Variants in PEF1 observed in about 807,000 individuals in gnomAD.
The protein encoded by PEF1 is peflin.
In PEF1, 17 loss-of-function variants were observed where a neutral mutation model predicts 32.0. That is an observed-to-expected ratio of 0.53 (90% confidence interval 0.36 to 0.80). The LOEUF is 0.80. PEF1 is among the 30% of genes least tolerant of loss of function. The probability of loss-of-function intolerance (pLI) is 0.00; values close to 1 mark genes in which losing one functional copy is unlikely to be tolerated. For missense variants in PEF1, 362 were observed against 369.1 expected, an observed-to-expected ratio of 0.98 and a Z score of 0.16; for synonymous variants, 130 against 139.8, an observed-to-expected ratio of 0.93 and a Z score of 0.50.
At chr1:31,642,773 T>C (rs1195870550) in intron 1 of PEF1, among the ~76,000 whole-genome samples, 1 of 152,246 alleles carries the variant, frequency 6.6e-6, no homozygotes, top group African/African-American at 2.4e-5. Context: ...GACACTGGCA[T>C]GTACTAGGCA....
chr1:31,632,253 T>G lies in PEF1; in HGVS notation c.625+242A>C, dbSNP rs1640125652. On this transcript the variant is annotated intron_variant, in intron 4 of 4. Transcript: ENST00000373703. ...AAGGCTCCCTGTGGCTGGGGCCGTCTCACCCAGCACTCCAGGGTCCAGCCC... is the reference window on the plus strand; with the variant it reads ...AAGGCTCCCTGTGGCTGGGGCCGTCGCACCCAGCACTCCAGGGTCCAGCCC... 10 of 691,228 alleles carry G rather than the reference T, an allele frequency of 1.4e-5. No homozygotes were observed. In the South Asian group the frequency reaches 1.6e-4, roughly 11 times the overall value. 42.8% of individuals were successfully genotyped at this position (691,228 alleles called of 1,614,324 possible). A position where few individuals can be genotyped will look rare whatever the true frequency, so the allele number is the denominator to read the frequency against.
intron 1 of PEF1, among the ~76,000 whole-genome samples, chr1:31,639,501 G>T (rs1308528228): frequency 6.6e-6 from 1 of 152,222 alleles, no homozygotes; most frequent in African/African-American, 2.4e-5. Context: ...GAGTTTTGTT[G>T]GGGCTTTATG....
chr1:31,642,691 G>T (rs1283396491), intron 1 of PEF1, among the ~76,000 whole-genome samples: 3 of 152,130 alleles, frequency 2.0e-5, no homozygotes, highest in African/African-American at 7.2e-5. Context: ...CTCCTTTTCA[G>T]TATTTCACTC....
intron 1 of PEF1, 90 bp downstream of exon 1, chr1:31,644,751 G>A: frequency 1.9e-6 from 3 of 1,604,770 alleles, no homozygotes; most frequent in Non-Finnish European, 2.6e-6. Context: ...TGGGAAGGGC[G>A]CGGAGAAAGC....
At chr1:31,641,014 GA>G (rs1166828105) in intron 1 of PEF1, among the ~76,000 whole-genome samples, 2 of 152,182 alleles carry the variant, frequency 1.3e-5, no homozygotes, top group African/African-American at 4.8e-5. Flanking sequence ...AGAGCCACTT[GA>G]AATAGGAGAG....
At chr1:31,634,955 A>T (rs1235868417) in intron 2 of PEF1, 2 of 611,146 alleles carry the variant, frequency 3.3e-6, no homozygotes, top group Non-Finnish European at 6.1e-6. Context: ...TGAATGAAAA[A>T]GACACAGGGA....
Position 31,632,580 on chromosome 1 carries a change from C to T in PEF1, c.540G>A (p.Trp180Ter), listed in dbSNP as rs2148616907. The T allele has an allele frequency of 1.2e-6, 2 of 1,614,188 alleles. No individual in the cohort carries two copies. Among genetic ancestry groups the T allele is most frequent in the Non-Finnish European group, 1.7e-6 (2 of 1,180,032 alleles). The change falls in exon 4 of 5, where the codon TGG (tryptophan) becomes TGA (stop). Residue 180 changes from tryptophan (W) to a stop codon, truncating the protein, a stop_gained. Transcript: ENST00000373703. LOFTEE classifies it high-confidence loss of function. ...GGTTCTTCCACTGCTGGATGAATTT[C>T]CACAGGGCTGAGAAGCCGTAGACAT... ...RIDVYGFSAL[W>*]KFIQQWKNLF...
At position 31,630,508 on chromosome 1, in the gene PEF1, T is replaced by C. The variant is rs1640064469; in HGVS notation, c.*105A>G. On this transcript the variant is annotated 3_prime_UTR_variant, in exon 5 of 5. Coordinates refer to ENST00000373703, the MANE Select transcript of PEF1 (RefSeq NM_012392.4). The stretch of plus-strand genomic sequence containing the variant: ...CAGTGTTGCATCAAGCAAGGGAGAA[T>C]GTTCTTCTAGAGGGACAGGAAAAGA... 13 of 1,144,276 alleles carry C rather than the reference T, an allele frequency of 1.1e-5. No homozygotes were observed. Among genetic ancestry groups the C allele is most frequent in the Middle Eastern group, 2.8e-4 (1 of 3,572 alleles). The allele number at this position is 1,144,276 out of a possible 1,614,324, so 70.9% of individuals were successfully genotyped here. A position where few individuals can be genotyped will look rare whatever the true frequency, so the allele number is the denominator to read the frequency against.
At chr1:31,644,630 G>T (rs915286828) in intron 1 of PEF1, 4 of 1,444,550 alleles carry the variant, frequency 2.8e-6, no homozygotes, top group African/African-American at 1.4e-5. Flanking sequence ...ACGTCAAGGG[G>T]GCGCGACACG....
At chr1:31,643,279 T>C (rs1211561199) in intron 1 of PEF1, among the ~76,000 whole-genome samples, 3 of 152,238 alleles carry the variant, frequency 2.0e-5, no homozygotes, top group Admixed American at 2.0e-4. Flanking sequence ...CATTAGCAAA[T>C]TAAGGATTCT....
chr1:31,632,379 T>C, intron 4 of PEF1, 116 bp downstream of exon 4: 1 of 1,535,914 alleles, frequency 6.5e-7, no homozygotes, highest in Non-Finnish European at 9.0e-7. Context: ...GAGAACAGCA[T>C]TTTGTAGTGC....
Position 31,632,524 on chromosome 1 carries a change from C to A in PEF1, c.596G>T (p.Gly199Val). The change falls in exon 4 of 5, where the codon GGC becomes GTC. Residue 199 changes from glycine to valine, a missense_variant. Coordinates refer to ENST00000373703, the MANE Select transcript of PEF1 (RefSeq NM_012392.4). Reference protein sequence around the residue: ...LFQQYDRDRSGSISYTELQQA... With the variant: ...LFQQYDRDRSVSISYTELQQA... The stretch of plus-strand genomic sequence containing the variant: ...CTGCAGCTCTGTGTAGCTAATGGAG[C>A]CCGAGCGGTCCCGGTCATACTGCTG... 1 of 1,614,208 alleles carries A rather than the reference C, an allele frequency of 6.2e-7. No individual in the cohort carries two copies. Among genetic ancestry groups the A allele is most frequent in the Non-Finnish European group, 8.5e-7 (1 of 1,180,040 alleles).
chr1:31,642,576 C>T (rs1239773116), intron 1 of PEF1, among the ~76,000 whole-genome samples: 2 of 152,212 alleles, frequency 1.3e-5, no homozygotes, highest in Non-Finnish European at 2.9e-5. Context: ...TGCTTTAAAA[C>T]AACTCGTTTC....
At chr1:31,631,085 CT>C (rs1570265627) in intron 4 of PEF1, among the ~76,000 whole-genome samples, 1 of 152,202 alleles carries the variant, frequency 6.6e-6, no homozygotes, top group African/African-American at 2.4e-5. Context: ...ATTATTGTCT[CT>C]TCAACTGAGG....
At chr1:31,632,817 C>T (rs1400774944) in intron 3 of PEF1, among the ~76,000 whole-genome samples, 179 bp from the exon 4 acceptor site, 1 of 152,214 alleles carries the variant, frequency 6.6e-6, no homozygotes, top group Non-Finnish European at 1.5e-5. Flanking sequence ...GCACCGTCCT[C>T]CTACTCTGGA....
chr1:31,633,284 G>C lies in PEF1; in HGVS notation c.356C>G (p.Ala119Gly). ...GTCCACCGACTGGAACCAGGAGTAG[G>C]CCTCAGGATCCACATTGGGAGGGGC... Reference protein sequence around the residue: ...GGAPPNVDPEAYSWFQSVDSD... With the variant: ...GGAPPNVDPEGYSWFQSVDSD... The change falls in exon 3 of 5, where the codon GCC becomes GGC. Residue 119 changes from alanine (A) to glycine (G), a missense_variant. Ala to Gly is a moderately conservative substitution (Grantham distance 60). Transcript: ENST00000373703. The C allele has an allele frequency of 6.2e-7, 1 of 1,613,796 alleles. No homozygotes were observed. The highest frequency in any genetic ancestry group is 8.5e-7 in the Non-Finnish European group (1 of 1,179,826).
In PEF1 at chr1:31,630,845, G is replaced by T. The variant is rs771880451; in HGVS notation, c.626-3C>A. 42 of 1,600,600 alleles carry T rather than the reference G, an allele frequency of 2.6e-5. No individual in the cohort carries two copies. The highest frequency in any genetic ancestry group is 3.5e-5 in the Non-Finnish European group (41 of 1,176,232). On this transcript the variant is annotated splice_region_variant and splice_polypyrimidine_tract_variant and intron_variant, in intron 4 of 4. Transcript: ENST00000373703. ...GTTGTAGCCCATTTGGGACAGAGCT[G>T]GAGAAGAGGGGCACACAGACCAGAC... is the stretch of plus-strand genomic sequence containing the variant.
rs1054419433 is a variant in PEF1 at position 31,644,593 on chromosome 1, C to T, written c.24+248G>A. On this transcript the variant is annotated intron_variant, in intron 1 of 4. Transcript: ENST00000373703. ...AGCGCCAGCCTGGACCTGTGGGGTC[C>T]AAGGTCCCCAAATCCTCGAGTGAGC... 1.3e-5 allele frequency: 19 copies of T among 1,432,724 alleles called. No homozygotes were observed. In the East Asian group the frequency reaches 4.8e-4, roughly 36 times the overall value. 88.8% of individuals were successfully genotyped at this position (1,432,724 alleles called of 1,614,324 possible).
intron 1 of PEF1, chr1:31,644,520 C>A: frequency 7.5e-7 from 1 of 1,332,470 alleles, no homozygotes; most frequent in East Asian, 3.0e-5. Flanking sequence ...GCTGATGCCC[C>A]CGCCCAAGGC....
Sources: allele counts gnomAD v4.1 joint callset (sites outside exome capture counted in the v4.1 genomes callset), GRCh38; gene constraint gnomAD v4.1.1; transcripts MANE v1.5; gene names NCBI Gene and HGNC (gene_info 2026-07-23, HGNC 2026-07-21).